The following RASA3 variants were observed in gnomAD, a reference collection of about 807,000 sequenced individuals.
RASA3 encodes the protein ras GTPase-activating protein 3.
In RASA3, 73 loss-of-function variants were observed where a neutral mutation model predicts 110.0. The observed-to-expected ratio is 0.66, with a 90% CI of 0.55 to 0.81. RASA3 has a LOEUF of 0.81. Among genes scored for constraint, RASA3 ranks in the 30% least tolerant of loss-of-function variants. RASA3 has a pLI of 0.00. For synonymous variants in RASA3, 500 were observed against 451.4 expected (o/e 1.11, Z -1.37); for missense variants, 976 against 1,113.2 (o/e 0.88, Z 1.75).
chr13:114,016,602 C>T (rs1021008908), intron 12 of RASA3, among the ~76,000 whole-genome samples: 2 of 152,208 alleles, frequency 1.3e-5, no homozygotes, highest in South Asian at 2.1e-4. Flanking sequence ...CGGGCTCTCT[C>T]AGGGAGCGAT....
chr13:114,104,618 T>C (rs933279850), intron 1 of RASA3, among the ~76,000 whole-genome samples: 1 of 152,144 alleles, frequency 6.6e-6, no homozygotes, highest in Non-Finnish European at 1.5e-5. Flanking sequence ...AGCCACCCCG[T>C]GGAGAACCAC....
In RASA3 at chr13:114,091,579, G is replaced by C. The variant is rs74116471; in HGVS notation, c.56-17742C>G. ...ATGAGTCCCACCTGTCATGCTGAAT[G>C]GTCTTTCTAATGTGCTGCTGGCATC... On this transcript the variant is annotated intron_variant, in intron 1 of 23. Transcript: ENST00000334062. Among the ~76,000 whole-genome samples, 1,335 of 150,974 alleles carry C rather than the reference G, an allele frequency of 8.8e-3. 24 individuals carry two copies. The highest frequency in any genetic ancestry group is 0.031 in the African/African-American group (1,267 of 41,066).
intron 1 of RASA3, among the ~76,000 whole-genome samples, chr13:114,090,392 G>T (rs12431339): frequency 0.014 from 2,161 of 152,320 alleles, 138 homozygotes; most frequent in Admixed American, 0.1. Context: ...GGGGGTACAT[G>T]ATTGTGGCAA....
intron 16 of RASA3, 127 bp from the exon 17 acceptor site, chr13:114,009,591 T>C (rs911692956): frequency 1.6e-5 from 11 of 683,526 alleles, no homozygotes. Flanking sequence ...AACCCGGTGT[T>C]ACCGGGCAAG....
At chr13:114,036,940 G>A (rs1365611288) in intron 4 of RASA3, among the ~76,000 whole-genome samples, 3 of 152,180 alleles carry the variant, frequency 2.0e-5, no homozygotes, top group East Asian at 1.9e-4. Context: ...GTGAAGCAAC[G>A]CATTGGAGAG....
chr13:114,104,349 C>T (rs1214800851), intron 1 of RASA3, among the ~76,000 whole-genome samples: 1 of 151,870 alleles, frequency 6.6e-6, no homozygotes, highest in Non-Finnish European at 1.5e-5. Context: ...CACGGACACC[C>T]ACCCCCGATG....
chr13:114,042,854 G>C (rs1424954728), intron 3 of RASA3, among the ~76,000 whole-genome samples: 1 of 152,208 alleles, frequency 6.6e-6, no homozygotes, highest in East Asian at 1.9e-4. Context: ...ATCTCAGTCG[G>C]TCCTGCGGTG....
intron 9 of RASA3, among the ~76,000 whole-genome samples, chr13:114,020,573 C>T (rs2053905023): frequency 1.3e-5 from 2 of 152,206 alleles, no homozygotes; most frequent in South Asian, 4.1e-4. Context: ...ACAGTCCACG[C>T]CTGGGAGTGC....
intron 4 of RASA3, among the ~76,000 whole-genome samples, chr13:114,037,587 T>A (rs2054302076): frequency 6.6e-6 from 1 of 152,074 alleles, no homozygotes; most frequent in African/African-American, 2.4e-5. Context: ...TAGAGATGGG[T>A]GGTGGTGACG....
At chr13:114,035,426 G>A (rs1375711569) in intron 4 of RASA3, among the ~76,000 whole-genome samples, 2 of 152,232 alleles carry the variant, frequency 1.3e-5, no homozygotes, top group Admixed American at 6.5e-5. Context: ...TCACCCATGG[G>A]GCCCTGGGCG....
At chr13:114,026,256 C>T (rs916224689) in intron 7 of RASA3, among the ~76,000 whole-genome samples, 7 of 152,238 alleles carry the variant, frequency 4.6e-5, no homozygotes. Flanking sequence ...GGCAGCCAAG[C>T]CAGCAGCCGA....
intron 21 of RASA3, among the ~76,000 whole-genome samples, chr13:113,994,512 C>T (rs2053189913): frequency 6.6e-6 from 1 of 152,240 alleles, no homozygotes; most frequent in South Asian, 2.1e-4. Context: ...TAAAACACAT[C>T]CCTGGCCAGT....
Position 114,114,549 on chromosome 13 carries a change from C to A in RASA3, c.55+17886G>T, listed in dbSNP as rs2080254966. On this transcript the variant is annotated intron_variant, in intron 1 of 23. Coordinates refer to ENST00000334062, the MANE Select transcript of RASA3 (RefSeq NM_007368.4). This position sits in a 1 kb window ranked among gnomAD's most constrained non-coding sequence, Gnocchi z 4.8. ...CTAAATGGTGCAAAATGGGCCCAGA[C>A]CCTCATTTTACCTTTACTTAAATAA... Among the ~76,000 whole-genome samples, 1 of 152,202 alleles carries A rather than the reference C, an allele frequency of 6.6e-6. No homozygotes were observed. Among genetic ancestry groups the A allele is most frequent in the African/African-American group, 2.4e-5 (1 of 41,454 alleles).
rs2079085988 is a variant in RASA3, at chr13:114,048,290, G to A, written c.277+3762C>T. On this transcript the variant is annotated intron_variant, in intron 3 of 23. Coordinates refer to ENST00000334062, the MANE Select transcript of RASA3 (RefSeq NM_007368.4). The surrounding 1 kb of genome is among the most constrained non-coding windows in gnomAD (Gnocchi z 4.3). Reference sequence around the variant, plus strand: ...AGATCGCGCCACTGCCCTCCAGCCTGGGCGACAGAAAGAGACTCCGTCTCA... The same window carrying A: ...AGATCGCGCCACTGCCCTCCAGCCTAGGCGACAGAAAGAGACTCCGTCTCA... 6.6e-6 allele frequency among the ~76,000 whole-genome samples: 1 copy of A among 151,436 alleles called. No homozygotes were observed. Among genetic ancestry groups the A allele is most frequent in the Non-Finnish European group, 1.5e-5 (1 of 67,806 alleles).
chr13:114,105,890 A>G (rs576875298), intron 1 of RASA3, among the ~76,000 whole-genome samples: 14 of 152,338 alleles, frequency 9.2e-5, no homozygotes, highest in Admixed American at 3.9e-4. Flanking sequence ...CAGTGGGGGA[A>G]TCAGCGTGGG....
intron 6 of RASA3, 143 bp from the exon 7 acceptor site, chr13:114,027,604 G>A: frequency 2.6e-6 from 2 of 772,154 alleles, no homozygotes; most frequent in Non-Finnish European, 4.2e-6. Context: ...TCCAACTCCA[G>A]ATGGTATGCA....
intron 2 of RASA3, among the ~76,000 whole-genome samples, chr13:114,060,134 G>A (rs776812911): frequency 3.9e-5 from 6 of 152,234 alleles, no homozygotes; most frequent in Non-Finnish European, 8.8e-5. Flanking sequence ...CGAAGGCCTC[G>A]AGGCAGCAGG....
rs149343941 is a variant in RASA3 at position 114,017,222 on chromosome 13, C to T, written c.1206+15G>A. The T allele has an allele frequency of 8.7e-6, 14 of 1,605,204 alleles. No individual in the cohort carries two copies. The East Asian group carries it at 1.1e-4, about 13-fold the overall frequency. On this transcript the variant is annotated intron_variant, in intron 12 of 23. Transcript: ENST00000334062. ...CACGCCTCGTGAGGCTGAGGACTCT[C>T]GGCCCCGTGCTCACCTCCTCGATGG...
chr13:114,001,747 G>A (rs1469879394), intron 18 of RASA3, among the ~76,000 whole-genome samples: 2 of 147,176 alleles, frequency 1.4e-5, no homozygotes, highest in Middle Eastern at 3.2e-3. Context: ...GGCAGCAGAC[G>A]CCCATACTCA....
Sources: allele counts gnomAD v4.1 joint callset (sites outside exome capture counted in the v4.1 genomes callset), GRCh38; gene constraint gnomAD v4.1.1; non-coding constraint Gnocchi (gnomAD v3.1); transcripts MANE v1.5; gene names NCBI Gene and HGNC (gene_info 2026-07-23, HGNC 2026-07-21).